SYT2: variants seen among roughly 807,000 people sequenced by gnomAD.
SYT2 encodes the protein synaptotagmin-2.
Under a neutral mutation model 39.9 loss-of-function variants are expected in SYT2, and 15 were observed. The observed-to-expected ratio is 0.38, with a 90% CI of 0.25 to 0.58. The LOEUF is 0.58. Among genes scored for constraint, SYT2 ranks in the 20% least tolerant of loss-of-function variants. SYT2 has a pLI of 0.70. For missense variants in SYT2, 389 were observed against 530.3 expected, an observed-to-expected ratio of 0.73 and a Z score of 2.62; for synonymous variants, 181 against 204.5, an observed-to-expected ratio of 0.89 and a Z score of 0.98.
intron 1 of SYT2, among the ~76,000 whole-genome samples, chr1:202,703,635 G>T (rs189513464): frequency 2.6e-5 from 4 of 152,210 alleles, no homozygotes; most frequent in African/African-American, 4.8e-5. Context: ...GAAGCAGAAG[G>T]TCCGGAGGGA....
chr1:202,687,666 CAAAAAAAAAAA>C (rs59844832), intron 1 of SYT2, among the ~76,000 whole-genome samples: 1 of 83,992 alleles, frequency 1.2e-5, no homozygotes, highest in Non-Finnish European at 2.3e-5. Flanking sequence ...AACTCCATCT[CAAAAAAAAAAA>C]AAAAAAAGAA....
chr1:202,629,911 CTCT>C (rs1558438802), intron 1 of SYT2, among the ~76,000 whole-genome samples: 13 of 99,750 alleles, frequency 1.3e-4, no homozygotes, highest in Non-Finnish European at 1.8e-4. Context: ...TCAGAAGTGA[CTCT>C]GGAAGTCACT....
intron 1 of SYT2, among the ~76,000 whole-genome samples, chr1:202,637,911 C>A (rs1369933550): frequency 3.3e-5 from 5 of 152,242 alleles, no homozygotes; most frequent in Non-Finnish European, 5.9e-5. Context: ...GTGGCCCCTT[C>A]AGGGGCAGGT....
chr1:202,619,039 C>T (rs1042610117), intron 1 of SYT2, among the ~76,000 whole-genome samples: 8 of 152,234 alleles, frequency 5.3e-5, no homozygotes, highest in African/African-American at 1.9e-4. Context: ...TAGTCCAGTG[C>T]TTCCTTCCAC....
At chr1:202,705,722 C>CTT (rs33940077) in intron 1 of SYT2, among the ~76,000 whole-genome samples, 44,596 of 145,012 alleles carry the variant, frequency 0.31, 6,934 homozygotes, top group Admixed American at 0.4. Flanking sequence ...TTTGGGAGTC[C>CTT]TTTTTTTTTT....
intron 1 of SYT2, among the ~76,000 whole-genome samples, chr1:202,672,270 C>A (rs908873233): frequency 6.6e-6 from 1 of 152,270 alleles, no homozygotes; most frequent in Non-Finnish European, 1.5e-5. Flanking sequence ...TTCGTTTAAC[C>A]CCCAGTGTGA....
intron 1 of SYT2, among the ~76,000 whole-genome samples, chr1:202,660,567 A>G (rs1692357189): frequency 6.6e-6 from 1 of 152,262 alleles, no homozygotes; most frequent in Non-Finnish European, 1.5e-5. Context: ...TGATTCAGCA[A>G]GCTCAGTTCT....
intron 1 of SYT2, among the ~76,000 whole-genome samples, chr1:202,664,233 T>G (rs923440792): frequency 5.3e-5 from 8 of 152,140 alleles, no homozygotes; most frequent in African/African-American, 1.9e-4. Flanking sequence ...TCCTGTGAAG[T>G]CCCAGCTCAT....
intron 1 of SYT2, among the ~76,000 whole-genome samples, chr1:202,694,391 A>G (rs1298372706): frequency 6.6e-6 from 1 of 152,148 alleles, no homozygotes; most frequent in East Asian, 1.9e-4. Context: ...GCTTGCTGGC[A>G]GGGCAAATGT....
chr1:202,601,739 G>T lies in SYT2; in HGVS notation c.801+151C>A. 6 of 789,424 alleles carry T rather than the reference G, an allele frequency of 7.6e-6. No individual in the cohort carries two copies. Among genetic ancestry groups the T allele is most frequent in the Non-Finnish European group, 8.2e-6 (4 of 490,394 alleles). The allele number at this position is 789,424 out of a possible 1,614,324, so 48.9% of individuals were successfully genotyped here. ...CGAGTCCAGAGAGTGTAAGCAACTTGCCCAGGGTCACACAGCCAGGCAGTG... is the reference window on the plus strand; with the variant it reads ...CGAGTCCAGAGAGTGTAAGCAACTTTCCCAGGGTCACACAGCCAGGCAGTG... On this transcript the variant is annotated intron_variant, in intron 6 of 8. Coordinates refer to ENST00000367268, the MANE Select transcript of SYT2 (RefSeq NM_177402.5). The surrounding 1 kb of genome is among the most constrained non-coding windows in gnomAD (Gnocchi z 4.0).
chr1:202,605,388 A>T (rs1278830804), intron 2 of SYT2: 2 of 438,514 alleles, frequency 4.6e-6, no homozygotes, highest in Non-Finnish European at 8.2e-6. Context: ...TGAGAAGTTG[A>T]CGCACATAAA....
chr1:202,626,493 C>T (rs1045598048), intron 1 of SYT2, among the ~76,000 whole-genome samples: 5 of 147,676 alleles, frequency 3.4e-5, no homozygotes, highest in East Asian at 2.0e-4. Context: ...ACTGCAGCCT[C>T]GACCCCCACG....
chr1:202,649,250 A>G (rs145385146), intron 1 of SYT2, among the ~76,000 whole-genome samples: 22 of 152,368 alleles, frequency 1.4e-4, no homozygotes, highest in African/African-American at 4.8e-4. Context: ...GAGCATGTGT[A>G]CATGAGCTTT....
chr1:202,640,734 CAGAGAGAGAGAGAGAGAGAG>C (rs56979202), intron 1 of SYT2, among the ~76,000 whole-genome samples: 5,581 of 90,778 alleles, frequency 0.061, 220 homozygotes, highest in African/African-American at 0.11. Context: ...TCCTAATGGT[CAGAGAGAGAGAGAGAGAGAG>C]AGAGAGAGAG....
intron 1 of SYT2, among the ~76,000 whole-genome samples, chr1:202,617,905 TTTGTTG>T (rs529619754): frequency 6.6e-6 from 1 of 152,092 alleles, no homozygotes; most frequent in Non-Finnish European, 1.5e-5. Context: ...TTACGCATTT[TTTGTTG>T]TTGTTGTTGT....
chr1:202,684,682 A>G (rs1276368916), intron 1 of SYT2, among the ~76,000 whole-genome samples: 1 of 152,114 alleles, frequency 6.6e-6, no homozygotes, highest in Non-Finnish European at 1.5e-5. Context: ...TCTCTGCTCC[A>G]ATGTGCCCCT....
chr1:202,704,310 T>C (rs1358631606), intron 1 of SYT2, among the ~76,000 whole-genome samples: 1 of 152,214 alleles, frequency 6.6e-6, no homozygotes, highest in African/African-American at 2.4e-5. Flanking sequence ...CAACATGCCC[T>C]GGCCTTGGGG....
chr1:202,633,611 C>T (rs1477390392), intron 1 of SYT2, among the ~76,000 whole-genome samples: 1 of 152,110 alleles, frequency 6.6e-6, no homozygotes, highest in African/African-American at 2.4e-5. Flanking sequence ...TAGGGGGCTC[C>T]AGTTGCTGAG....
In SYT2 at chr1:202,599,184, C is replaced by G. The variant is rs574932409; in HGVS notation, c.1053+34G>C. The G allele has an allele frequency of 2.5e-6, 4 of 1,611,166 alleles. No individual in the cohort carries two copies. The highest frequency in any genetic ancestry group is 3.4e-6 in the Non-Finnish European group (4 of 1,178,936). ...CCATACATGTTTGCCTCCCCAAACC[C>G]TGCTCCATGCCTAGGAACCCAGGGC... On this transcript the variant is annotated intron_variant, in intron 8 of 8. Coordinates refer to ENST00000367268, the MANE Select transcript of SYT2 (RefSeq NM_177402.5). This position sits in a 1 kb window ranked among gnomAD's most constrained non-coding sequence, Gnocchi z 4.4.
Sources: gnomAD v4.1 joint callset for allele counts (sites outside exome capture counted in the v4.1 genomes callset) on GRCh38, gnomAD v4.1.1 for gene constraint, Gnocchi (gnomAD v3.1) non-coding constraint, MANE v1.5 for transcripts, NCBI Gene and HGNC (gene_info 2026-07-23, HGNC 2026-07-21) for gene names.